Variants in KMT2A observed in about 807,000 individuals in gnomAD.
KMT2A encodes histone-lysine N-methyltransferase 2A.
A neutral mutation model predicts 345.3 loss-of-function variants in KMT2A; 16 were observed. The ratio of observed to expected loss-of-function variants is 0.05; its 90% CI spans 0.03 to 0.07. The LOEUF is 0.07. KMT2A is among the 10% of genes least tolerant of loss of function. KMT2A has a pLI of 1.00. For synonymous variants in KMT2A, 1,599 were observed against 1,778.6 expected (o/e 0.90, Z 2.54); for missense variants, 3,272 against 4,841.6 (o/e 0.68, Z 9.62).
intron 10 of KMT2A, among the ~76,000 whole-genome samples, chr11:118,488,052 C>T (rs1024781199): frequency 2.0e-5 from 3 of 152,068 alleles, no homozygotes; most frequent in Admixed American, 6.5e-5. Context: ...TGGTGGCACG[C>T]GCCTGTGATC....
At chr11:118,478,491 T>C (rs1034914719) in intron 5 of KMT2A, among the ~76,000 whole-genome samples, 44 of 152,218 alleles carry the variant, frequency 2.9e-4, no homozygotes, top group Non-Finnish European at 8.8e-5. Context: ...CATGTGGCTA[T>C]TGAGCGCTTG....
chr11:118,454,495 T>C (rs1555030049), intron 1 of KMT2A, among the ~76,000 whole-genome samples: 2 of 152,238 alleles, frequency 1.3e-5, no homozygotes, highest in African/African-American at 4.8e-5. Flanking sequence ...GGCAAGTTTT[T>C]TTCTGCAAAG....
intron 1 of KMT2A, among the ~76,000 whole-genome samples, chr11:118,454,330 A>G (rs1422517413): frequency 1.3e-5 from 2 of 152,092 alleles, no homozygotes; most frequent in Admixed American, 6.5e-5. Flanking sequence ...CATCTCATCC[A>G]TTCTGCTATA....
intron 1 of KMT2A, among the ~76,000 whole-genome samples, chr11:118,437,684 C>A (rs568443458): frequency 6.6e-6 from 1 of 151,578 alleles, no homozygotes; most frequent in Non-Finnish European, 1.5e-5. Context: ...TTCCCCCCCC[C>A]GCCCCGTCTT....
Position 118,506,320 on chromosome 11 carries a change from T to G in KMT2A, c.10428T>G (p.Asp3476Glu). Residue 3476 changes from aspartate to glutamate, a missense_variant, in exon 27 of 36, where the codon GAT (aspartate) becomes GAG (glutamate). Asp to Glu is a conservative substitution (Grantham distance 45). Transcript: ENST00000534358. ...TTCATTCTTCCCAGCGTGATCTTGA[T>G]TCTGCTTCAGGGCCCCAGGTATCCA... ...TGIHSSQRDL[D>E]SASGPQVSNF... 2 of 1,614,178 alleles carry G rather than the reference T, an allele frequency of 1.2e-6. No homozygotes were observed. The highest frequency in any genetic ancestry group is 1.7e-6 in the Non-Finnish European group (2 of 1,180,032).
intron 1 of KMT2A, among the ~76,000 whole-genome samples, chr11:118,460,092 T>G (rs1949717935): frequency 6.6e-6 from 1 of 152,158 alleles, no homozygotes; most frequent in Admixed American, 6.5e-5. Flanking sequence ...TTTTATCAGA[T>G]CAGTGGTATT....
At chr11:118,459,071 C>CT (rs375482063) in intron 1 of KMT2A, among the ~76,000 whole-genome samples, 5 of 151,906 alleles carry the variant, frequency 3.3e-5, no homozygotes, top group Admixed American at 6.6e-5. Flanking sequence ...TTTTCAAACT[C>CT]TTTTTTTTCC....
At chr11:118,480,339 A>G in intron 6 of KMT2A, 101 bp downstream of exon 6, 5 of 816,460 alleles carry the variant, frequency 6.1e-6, no homozygotes, top group South Asian at 3.3e-5. Flanking sequence ...TTAAAGTACA[A>G]CTCTTTCTCA....
At chr11:118,500,764 A>G (rs1555045382) in intron 24 of KMT2A, 4 of 385,400 alleles carry the variant, frequency 1.0e-5, no homozygotes, top group East Asian at 3.7e-5. Flanking sequence ...GGTACAAGAA[A>G]AAAAGATCTT....
chr11:118,490,328 G>A lies in KMT2A; in HGVS notation c.4696+79G>A. 7.2e-7 allele frequency: 1 copy of A among 1,391,714 alleles called. No individual in the cohort carries two copies. The highest frequency in any genetic ancestry group is 9.5e-7 in the Non-Finnish European group (1 of 1,051,242). 86.2% of individuals were successfully genotyped at this position (1,391,714 alleles called of 1,614,324 possible). A position where few individuals can be genotyped will look rare whatever the true frequency, so the allele number is the denominator to read the frequency against. On this transcript the variant is annotated intron_variant, in intron 13 of 35. Coordinates refer to ENST00000534358, the MANE Select transcript of KMT2A (RefSeq NM_001197104.2). The surrounding 1 kb of genome is among the most constrained non-coding windows in gnomAD (Gnocchi z 4.2). ...GAGGTGAACTAGACTCTAGTGAAAT[G>A]AAATAAAAAGTCTCACACATTATGT...
intron 1 of KMT2A, chr11:118,449,907 A>G (rs1949499545): frequency 6.6e-6 from 1 of 152,114 alleles, no homozygotes. Flanking sequence ...TTGAATGAGC[A>G]TGTAGCTCAA....
intron 31 of KMT2A, among the ~76,000 whole-genome samples, chr11:118,513,206 T>G (rs1950726677): frequency 6.6e-6 from 1 of 152,124 alleles, no homozygotes; most frequent in South Asian, 2.1e-4. Context: ...ATCTTAGCAC[T>G]GCACTCCAGC....
chr11:118,515,355 C>G (rs1950788984), intron 31 of KMT2A, among the ~76,000 whole-genome samples: 1 of 152,120 alleles, frequency 6.6e-6, no homozygotes, highest in Admixed American at 6.6e-5. Context: ...ATCATTCTTC[C>G]TGTGCCTACG....
rs782298490 is a variant in KMT2A, at chr11:118,509,936, T to C, written c.10901-12T>C. Reference sequence around the variant, plus strand: ...TTGTTACTGCAACCACTATCTATTTTCTCCCTATTAGAACCTAAAACAGTG... The same window carrying C: ...TTGTTACTGCAACCACTATCTATTTCCTCCCTATTAGAACCTAAAACAGTG... On this transcript the variant is annotated splice_polypyrimidine_tract_variant and intron_variant, in intron 29 of 35. Coordinates refer to ENST00000534358, the MANE Select transcript of KMT2A (RefSeq NM_001197104.2). The C allele has an allele frequency of 1.3e-6, 2 of 1,584,244 alleles. No individual in the cohort carries two copies. The highest frequency in any genetic ancestry group is 1.7e-6 in the Non-Finnish European group (2 of 1,162,360).
In KMT2A at chr11:118,498,589, T is replaced by C; in HGVS notation, c.5961+61T>C. On this transcript the variant is annotated intron_variant, in intron 22 of 35. Coordinates refer to ENST00000534358, the MANE Select transcript of KMT2A (RefSeq NM_001197104.2). The surrounding 1 kb of genome is among the most constrained non-coding windows in gnomAD (Gnocchi z 4.4). ...AAGACTTTTTTAGAGCAGTTTTAGG[T>C]TCACAGCAAAATTGACTGGAAGGTA... 6.6e-7 allele frequency: 1 copy of C among 1,508,882 alleles called. No homozygotes were observed. The highest frequency in any genetic ancestry group is 8.9e-7 in the Non-Finnish European group (1 of 1,129,842). 93.5% of individuals were successfully genotyped at this position (1,508,882 alleles called of 1,614,324 possible).
At chr11:118,452,167 A>G (rs1408317255) in intron 1 of KMT2A, among the ~76,000 whole-genome samples, 6 of 152,176 alleles carry the variant, frequency 3.9e-5, no homozygotes, top group African/African-American at 1.4e-4. Context: ...TCAGCCTCCA[A>G]AATAGCTGAG....
At chr11:118,438,645 C>T (rs782443306) in intron 1 of KMT2A, among the ~76,000 whole-genome samples, 13 of 152,172 alleles carry the variant, frequency 8.5e-5, no homozygotes, top group South Asian at 6.2e-4. Flanking sequence ...GTGCCCCGCA[C>T]CCCTTTAGAT....
chr11:118,468,905 C>T (rs1949895580), intron 2 of KMT2A, 61 bp downstream of exon 2: 1 of 1,316,384 alleles, frequency 7.6e-7, no homozygotes, highest in Non-Finnish European at 1.1e-6. Context: ...TTGTGGCTTC[C>T]TCTTGCCTTC....
At chr11:118,460,707 G>A (rs945154229) in intron 1 of KMT2A, among the ~76,000 whole-genome samples, 1 of 152,226 alleles carries the variant, frequency 6.6e-6, no homozygotes, top group South Asian at 2.1e-4. Flanking sequence ...GCTCAGGCTG[G>A]AGTGCAGTGG....
Sources: allele counts gnomAD v4.1 joint callset (sites outside exome capture counted in the v4.1 genomes callset), GRCh38; gene constraint gnomAD v4.1.1; non-coding constraint Gnocchi (gnomAD v3.1); transcripts MANE v1.5; gene names NCBI Gene and HGNC (gene_info 2026-07-23, HGNC 2026-07-21).